SUMF1: variants seen among roughly 807,000 people sequenced by gnomAD.
SUMF1 encodes sulfatase modifying factor 1, also known as formylglycine-generating enzyme.
A neutral mutation model predicts 47.6 loss-of-function variants in SUMF1; 48 were observed. The observed-to-expected ratio is 1.01, with a 90% CI of 0.80 to 1.28. The LOEUF (loss-of-function observed/expected upper bound fraction) is 1.28. Among genes scored for constraint, SUMF1 ranks in the 50% most tolerant of loss-of-function variants. SUMF1 has a pLI of 0.00. For synonymous variants in SUMF1, 230 were observed against 192.1 expected, an observed-to-expected ratio of 1.20 and a Z score of -1.63; for missense variants, 571 against 485.4, an observed-to-expected ratio of 1.18 and a Z score of -1.66.
downstream of SUMF1, among the ~76,000 whole-genome samples, chr3:4,357,110 T>G (rs527645878): frequency 6.6e-6 from 1 of 152,286 alleles, no homozygotes; most frequent in South Asian, 2.1e-4. Context: ...ATAGCCAGCC[T>G]GCAGGTTAAC....
At chr3:4,340,157 C>T (rs181072563) in intron 8 of SUMF1, among the ~76,000 whole-genome samples, 15 of 152,130 alleles carry the variant, frequency 9.9e-5, no homozygotes, top group Admixed American at 7.9e-4. Flanking sequence ...GCCCCAACTC[C>T]GGAGTTGTTA....
At chr3:4,417,265 C>G (rs373931003) in intron 5 of SUMF1, 23 bp from the exon 6 acceptor site, 1 of 1,597,474 alleles carries the variant, frequency 6.3e-7, no homozygotes, top group African/African-American at 1.3e-5. Flanking sequence ...ACACAGGCAT[C>G]AGCCTGTCAA....
chr3:4,441,053 T>C (rs1702570495), intron 3 of SUMF1, among the ~76,000 whole-genome samples: 1 of 152,138 alleles, frequency 6.6e-6, no homozygotes, highest in Non-Finnish European at 1.5e-5. Context: ...CCAGTACTGG[T>C]CTGTGGCCTA....
chr3:4,337,662 T>C (rs1699182959), intron 8 of SUMF1, among the ~76,000 whole-genome samples: 1 of 152,192 alleles, frequency 6.6e-6, no homozygotes, highest in Admixed American at 6.5e-5. Flanking sequence ...TCAAAGCATT[T>C]GTGCATAGTA....
At chr3:4,036,674 C>G (rs746554267) in intron 9 of SUMF1, among the ~76,000 whole-genome samples, 1 of 150,886 alleles carries the variant, frequency 6.6e-6, no homozygotes, top group South Asian at 2.1e-4. Flanking sequence ...AGAAGCTACA[C>G]AGAGCCCCAC....
chr3:4,139,676 G>A (rs1694029853), intron 8 of SUMF1, among the ~76,000 whole-genome samples: 1 of 151,574 alleles, frequency 6.6e-6, no homozygotes. Context: ...CTTCCTGCAG[G>A]AAAGAGGACT....
Position 4,440,263 on chromosome 3 carries a change from A to AAAAAC in SUMF1, c.519+9002_519+9003insGTTTT, listed in dbSNP as rs745740071. On this transcript the variant is annotated intron_variant, in intron 3 of 8. Coordinates refer to ENST00000272902, the MANE Select transcript of SUMF1 (RefSeq NM_182760.4). The stretch of plus-strand genomic sequence containing the variant: ...TGTCTCAAAAAAAAAAAAAAAAAAA[A>AAAAAC]AGATACTGAGCTATTTATCTGACTT... 1.4e-4 allele frequency among the ~76,000 whole-genome samples: 19 copies of AAAAAC among 132,172 alleles called. 2 individuals are homozygous for AAAAAC. The highest frequency in any genetic ancestry group is 4.6e-4 in the East Asian group (2 of 4,390). The allele number at this position is 132,172 out of a possible 152,430, so 86.7% of individuals were successfully genotyped here.
rs1464137742 is a variant in SUMF1 at position 4,255,913 on chromosome 3, A to C, written c.1014+120417T>G. 5.6e-3 allele frequency among the ~76,000 whole-genome samples: 617 copies of C among 110,900 alleles called. 12 individuals are homozygous for C. Among genetic ancestry groups the C allele is most frequent in the African/African-American group, 0.024 (587 of 24,274 alleles). 72.8% of individuals were successfully genotyped at this position (110,900 alleles called of 152,430 possible). ...AAAAGAACAGAAATTATAACAAACT[A>C]TCTCTCAGACCACAGTGCAATCAAA... On this transcript the variant is annotated intron_variant and NMD_transcript_variant, in intron 8 of 12. Coordinates refer to the SUMF1 transcript ENST00000448413.
chr3:4,188,997 C>A (rs751547307), intron 8 of SUMF1, among the ~76,000 whole-genome samples: 2 of 152,048 alleles, frequency 1.3e-5, no homozygotes, highest in Admixed American at 1.3e-4. Flanking sequence ...CCGACAAAAA[C>A]AATTTCACAT....
At chr3:4,276,530 G>A (rs1697420957) in intron 8 of SUMF1, among the ~76,000 whole-genome samples, 1 of 152,104 alleles carries the variant, frequency 6.6e-6, no homozygotes, top group African/African-American at 2.4e-5. Flanking sequence ...CCACTCATTG[G>A]ATGGTGGTCT....
At position 4,041,506 on chromosome 3, in the gene SUMF1, TAGTG is replaced by T. The variant is rs780616282; in HGVS notation, c.1191+27059_1191+27062del. On this transcript the variant is annotated intron_variant and NMD_transcript_variant, in intron 9 of 12. Transcript: ENST00000448413. Reference sequence around the variant, plus strand: ...CTGCAATCCTGCTCAGGTGGAAACTTAGTGAGTAAGAAGGAAGTGCCACATAAAA... The same window carrying T: ...CTGCAATCCTGCTCAGGTGGAAACTTAGTAAGAAGGAAGTGCCACATAAAA... Among the ~76,000 whole-genome samples, 5 of 152,272 alleles carry T rather than the reference TAGTG, an allele frequency of 3.3e-5. No individual in the cohort carries two copies. In the East Asian group the frequency reaches 5.8e-4, roughly 18 times the overall value.
chr3:4,450,942 G>GGA (rs1451930963), intron 2 of SUMF1, among the ~76,000 whole-genome samples: 1 of 151,934 alleles, frequency 6.6e-6, no homozygotes, highest in Admixed American at 6.6e-5. Flanking sequence ...AAGTAAAGCT[G>GGA]GAGAGATGGG....
intron 8 of SUMF1, among the ~76,000 whole-genome samples, chr3:4,341,320 C>T (rs1699268138): frequency 6.6e-6 from 1 of 151,952 alleles, no homozygotes; most frequent in Non-Finnish European, 1.5e-5. Flanking sequence ...AATTCACATA[C>T]CTCCTACCAT....
At chr3:4,335,760 G>A (rs1699134000) in intron 8 of SUMF1, among the ~76,000 whole-genome samples, 1 of 151,878 alleles carries the variant, frequency 6.6e-6, no homozygotes, top group African/African-American at 2.4e-5. Flanking sequence ...CTGGCCAAGA[G>A]ACCAGCCTAG....
At chr3:4,443,427 ATAAT>A (rs1702673368) in intron 3 of SUMF1, among the ~76,000 whole-genome samples, 1 of 152,114 alleles carries the variant, frequency 6.6e-6, no homozygotes, top group South Asian at 2.1e-4. Context: ...AAATAAACAG[ATAAT>A]TAAAAGACAC....
At chr3:4,206,753 G>A (rs558803419) in intron 8 of SUMF1, among the ~76,000 whole-genome samples, 12 of 152,092 alleles carry the variant, frequency 7.9e-5, no homozygotes, top group African/African-American at 2.9e-4. Context: ...AACTATTGTG[G>A]GGGAATAATT....
At position 4,306,116 on chromosome 3, in the gene SUMF1, A is replaced by T. The variant is rs150859372; in HGVS notation, c.1014+70214T>A. ...TACCCTCAAGGTGTTTACAACTGTCACGATTAGCTTCAATATTCCTGCCGT... is the reference window on the plus strand; with the variant it reads ...TACCCTCAAGGTGTTTACAACTGTCTCGATTAGCTTCAATATTCCTGCCGT... On this transcript the variant is annotated intron_variant and NMD_transcript_variant, in intron 8 of 12. Coordinates refer to the SUMF1 transcript ENST00000448413. Among the ~76,000 whole-genome samples, 499 of 152,306 alleles carry T rather than the reference A, an allele frequency of 3.3e-3. 5 individuals carry two copies. The highest frequency in any genetic ancestry group is 0.011 in the African/African-American group (458 of 41,558).
At chr3:4,303,291 G>A in intron 8 of SUMF1, 2 of 1,395,444 alleles carry the variant, frequency 1.4e-6, no homozygotes, top group South Asian at 1.6e-5. Flanking sequence ...TGAGGCGGTG[G>A]GGCCACGGGA....
At chr3:4,367,987 G>A (rs1482299446) in intron 8 of SUMF1, among the ~76,000 whole-genome samples, 4 of 151,916 alleles carry the variant, frequency 2.6e-5, no homozygotes, top group African/African-American at 9.7e-5. Context: ...TTGACAAATG[G>A]GATCTAATTA....
Sources: allele counts gnomAD v4.1 joint callset (sites outside exome capture counted in the v4.1 genomes callset), GRCh38; gene constraint gnomAD v4.1.1; transcripts MANE v1.5; gene names NCBI Gene and HGNC (gene_info 2026-07-23, HGNC 2026-07-21).